The following NKAIN2 variants were observed in gnomAD, a reference collection of about 807,000 sequenced individuals.
NKAIN2 encodes sodium/potassium-transporting ATPase subunit beta-1-interacting protein 2.
In NKAIN2, 14 loss-of-function variants were observed where a neutral mutation model predicts 32.6. That is an observed-to-expected ratio of 0.43 (90% CI 0.28 to 0.67). The LOEUF is 0.67. Ranked by LOEUF, NKAIN2 falls within the 30% of genes least tolerant of loss-of-function variation. NKAIN2 has a pLI of 0.17. For missense variants in NKAIN2, 198 were observed against 258.3 expected (o/e 0.77, Z 1.60); for synonymous variants, 80 against 87.2 (o/e 0.92, Z 0.46).
intron 3 of NKAIN2, among the ~76,000 whole-genome samples, chr6:124,432,113 T>C (rs1775243944): frequency 6.6e-6 from 1 of 152,190 alleles, no homozygotes; most frequent in Admixed American, 6.5e-5. Flanking sequence ...CACAATTGTG[T>C]ACATGCCTTG....
At chr6:124,464,463 G>C (rs1245922729) in intron 3 of NKAIN2, among the ~76,000 whole-genome samples, 2 of 150,848 alleles carry the variant, frequency 1.3e-5, no homozygotes, top group African/African-American at 4.9e-5. Flanking sequence ...TTGTTACTTA[G>C]TGAAGATGAG....
chr6:124,119,570 G>A (rs1326195559), intron 1 of NKAIN2, among the ~76,000 whole-genome samples: 1 of 152,136 alleles, frequency 6.6e-6, no homozygotes, highest in African/African-American at 2.4e-5. Context: ...TTGCATATGG[G>A]ACTGTATCTA....
At chr6:123,847,710 A>G (rs1486989375) in intron 1 of NKAIN2, among the ~76,000 whole-genome samples, 1 of 152,180 alleles carries the variant, frequency 6.6e-6, no homozygotes, top group East Asian at 1.9e-4. Context: ...TTGGCCAAAT[A>G]TTACCTAAAA....
chr6:124,302,445 A>C (rs1215426905), intron 2 of NKAIN2, among the ~76,000 whole-genome samples: 1 of 152,208 alleles, frequency 6.6e-6, no homozygotes, highest in African/African-American at 2.4e-5. Flanking sequence ...CTTTCTTGTT[A>C]ATCATTCCTC....
intron 5 of NKAIN2, among the ~76,000 whole-genome samples, chr6:124,794,389 A>T (rs1779905675): frequency 6.6e-6 from 1 of 152,170 alleles, no homozygotes; most frequent in African/African-American, 2.4e-5. Flanking sequence ...ATTCAAGGCG[A>T]TTCAAAGTCA....
intron 3 of NKAIN2, among the ~76,000 whole-genome samples, chr6:124,615,145 A>G (rs765131209): frequency 6.6e-6 from 1 of 152,210 alleles, no homozygotes; most frequent in Non-Finnish European, 1.5e-5. Context: ...TCTGTCATGT[A>G]TCACGTCACA....
chr6:124,778,905 A>G (rs959750277), intron 4 of NKAIN2, among the ~76,000 whole-genome samples: 7 of 152,136 alleles, frequency 4.6e-5, no homozygotes, highest in Admixed American at 1.3e-4. Context: ...AAAACCGATG[A>G]ACATTTACAA....
intron 3 of NKAIN2, among the ~76,000 whole-genome samples, chr6:124,478,983 G>C (rs555813313): frequency 6.6e-6 from 1 of 152,124 alleles, no homozygotes; most frequent in African/African-American, 2.4e-5. Flanking sequence ...GATAAGAATA[G>C]CACTTTACCT....
chr6:124,740,423 C>CAT (rs531209062), intron 4 of NKAIN2, among the ~76,000 whole-genome samples: 2,720 of 139,110 alleles, frequency 0.02, 24 homozygotes, highest in Middle Eastern at 0.037. Context: ...AGAAGATTAA[C>CAT]ATATATATAT....
chr6:124,004,312 T>C (rs945937307), intron 1 of NKAIN2, among the ~76,000 whole-genome samples: 2 of 152,128 alleles, frequency 1.3e-5, no homozygotes, highest in Admixed American at 6.5e-5. Context: ...ACAGGATAGA[T>C]CTTCAGTAAA....
intron 3 of NKAIN2, among the ~76,000 whole-genome samples, chr6:124,574,311 G>A (rs1168987285): frequency 3.1e-5 from 2 of 64,732 alleles, no homozygotes; most frequent in Non-Finnish European, 7.3e-5. Flanking sequence ...AACAGAAAAA[G>A]TTAAAAAAAA....
chr6:123,869,400 G>A (rs1302549231), intron 1 of NKAIN2, among the ~76,000 whole-genome samples: 2 of 152,086 alleles, frequency 1.3e-5, no homozygotes, highest in East Asian at 3.9e-4. Context: ...GTTTCCTTCT[G>A]CAGCTCTCAT....
intron 4 of NKAIN2, among the ~76,000 whole-genome samples, chr6:124,688,559 T>C (rs549482746): frequency 1.3e-5 from 2 of 152,186 alleles, no homozygotes; most frequent in African/African-American, 2.4e-5. Context: ...AATAATAACA[T>C]GTATCTACCA....
intron 1 of NKAIN2, among the ~76,000 whole-genome samples, chr6:123,931,675 A>T (rs1314593938): frequency 1.3e-5 from 2 of 152,064 alleles, no homozygotes; most frequent in African/African-American, 2.4e-5. Flanking sequence ...TCCTTTGAAT[A>T]GTCAAAGGAT....
chr6:124,145,125 A>T (rs2114356023), intron 1 of NKAIN2, among the ~76,000 whole-genome samples: 1 of 152,292 alleles, frequency 6.6e-6, no homozygotes, highest in Middle Eastern at 3.4e-3. Context: ...TACTAACAAT[A>T]CCAAATTCTG....
At chr6:123,931,264 T>C (rs1776239504) in intron 1 of NKAIN2, among the ~76,000 whole-genome samples, 1 of 152,148 alleles carries the variant, frequency 6.6e-6, no homozygotes, top group South Asian at 2.1e-4. Context: ...CTCCTGCTGG[T>C]CTTTGAGGAA....
intron 4 of NKAIN2, among the ~76,000 whole-genome samples, chr6:124,666,995 G>A (rs777339743): frequency 6.6e-6 from 1 of 151,908 alleles, no homozygotes; most frequent in Non-Finnish European, 1.5e-5. Context: ...TAGCTTTTCA[G>A]GCCAACTCAC....
At chr6:123,888,289 T>A (rs1034903522) in intron 1 of NKAIN2, among the ~76,000 whole-genome samples, 2 of 152,148 alleles carry the variant, frequency 1.3e-5, no homozygotes, top group East Asian at 3.8e-4. Flanking sequence ...ATATGTGATA[T>A]CTTTGGTTAA....
At chr6:123,952,801 T>G (rs1777388231) in intron 1 of NKAIN2, among the ~76,000 whole-genome samples, 1 of 152,172 alleles carries the variant, frequency 6.6e-6, no homozygotes, top group Admixed American at 6.5e-5. Flanking sequence ...TGTTCCTATT[T>G]TTTTGTATTG....
Sources: allele counts gnomAD v4.1 joint callset (sites outside exome capture counted in the v4.1 genomes callset), GRCh38; gene constraint gnomAD v4.1.1; transcripts MANE v1.5; gene names NCBI Gene and HGNC (gene_info 2026-07-23, HGNC 2026-07-21).